RAB38: variants seen among roughly 807,000 people sequenced by gnomAD.
RAB38 encodes the protein RAB38, member RAS oncogene family, also known as ras-related protein Rab-38.
In RAB38, 15 loss-of-function variants were observed where a neutral mutation model predicts 18.4. The ratio of observed to expected loss-of-function variants is 0.82; its 90% confidence interval spans 0.55 to 1.26. The LOEUF (loss-of-function observed/expected upper bound fraction) is 1.26, where lower values mean the gene tolerates loss of function less well. RAB38 is among the 50% of genes most tolerant of loss of function. RAB38 has a pLI of 0.00. For synonymous variants in RAB38, 101 were observed against 104.4 expected (o/e 0.97, Z 0.20); for missense variants, 294 against 267.4 (o/e 1.10, Z -0.69).
the RAB38 span, among the ~76,000 whole-genome samples, chr11:88,067,521 A>G: frequency 3.9e-5 from 6 of 152,342 alleles, no homozygotes; most frequent in East Asian, 9.6e-4. Context: ...GGAAAATAAC[A>G]TTGATTGGGT....
chr11:88,036,261 T>C, the RAB38 span, among the ~76,000 whole-genome samples: 1 of 152,154 alleles, frequency 6.6e-6, no homozygotes, highest in African/African-American at 2.4e-5. Flanking sequence ...AAGACATAGA[T>C]TCAGTTATAT....
the RAB38 span, among the ~76,000 whole-genome samples, chr11:87,885,152 ATGATACT>A: frequency 6.6e-6 from 1 of 151,992 alleles, no homozygotes; most frequent in African/African-American, 2.4e-5. Flanking sequence ...CGTAATCAAA[ATGATACT>A]TGATACTTCA....
the RAB38 span, among the ~76,000 whole-genome samples, chr11:87,932,648 A>G: frequency 6.6e-6 from 1 of 152,006 alleles, no homozygotes; most frequent in East Asian, 1.9e-4. Context: ...CAATTTCTCA[A>G]AGCTTGCTCT....
At chr11:88,078,501 A>ATATGTG in the RAB38 span, among the ~76,000 whole-genome samples, 4,445 of 148,768 alleles carry the variant, frequency 0.03, 220 homozygotes, top group African/African-American at 0.1. Context: ...GTGTGTATAT[A>ATATGTG]TGTGTGTGTG....
chr11:87,944,789 AT>A, the RAB38 span, among the ~76,000 whole-genome samples: 1 of 152,078 alleles, frequency 6.6e-6, no homozygotes, highest in East Asian at 1.9e-4. Flanking sequence ...AGCCAAACCC[AT>A]TTGAGCACCC....
chr11:88,092,581 C>T, the RAB38 span, among the ~76,000 whole-genome samples: 1 of 151,856 alleles, frequency 6.6e-6, no homozygotes, highest in Non-Finnish European at 1.5e-5. Flanking sequence ...ACACCTCCCA[C>T]TAGACCCATC....
the RAB38 span, among the ~76,000 whole-genome samples, chr11:87,849,101 C>G: frequency 6.6e-6 from 1 of 152,024 alleles, no homozygotes; most frequent in African/African-American, 2.4e-5. Context: ...CCAAAGGGCC[C>G]TGATAAACAT....
At chr11:87,935,525 A>T in the RAB38 span, among the ~76,000 whole-genome samples, 2 of 152,050 alleles carry the variant, frequency 1.3e-5, no homozygotes, top group Non-Finnish European at 2.9e-5. Context: ...AGTTACAGTT[A>T]ATTATTATTT....
chr11:87,904,582 A>AT, the RAB38 span, among the ~76,000 whole-genome samples: 9 of 151,498 alleles, frequency 5.9e-5, no homozygotes, highest in East Asian at 2.0e-4. Flanking sequence ...TGGTAAAATG[A>AT]TTTTTTTTAA....
chr11:88,019,657 C>T, the RAB38 span, among the ~76,000 whole-genome samples: 1 of 152,156 alleles, frequency 6.6e-6, no homozygotes, highest in Non-Finnish European at 1.5e-5. Flanking sequence ...CTATCAGCCT[C>T]CCTGTTTCTC....
the RAB38 span, among the ~76,000 whole-genome samples, chr11:88,057,845 A>AC: frequency 6.6e-6 from 1 of 151,734 alleles, no homozygotes; most frequent in East Asian, 1.9e-4. Flanking sequence ...CTTCATCTCT[A>AC]CCCCCTGCAA....
the RAB38 span, among the ~76,000 whole-genome samples, chr11:87,887,927 G>T: frequency 9.8e-6 from 1 of 102,140 alleles, no homozygotes. Context: ...TCTTCTAGTT[G>T]GTGCATTTTT....
the RAB38 span, among the ~76,000 whole-genome samples, chr11:87,900,827 TGAA>T: frequency 1.4e-5 from 2 of 142,178 alleles, no homozygotes; most frequent in African/African-American, 5.2e-5. Context: ...AGGAAAGAAA[TGAA>T]GGAAGGAAAG....
chr11:88,141,717 A>G (rs1211156683), intron 2 of RAB38, among the ~76,000 whole-genome samples: 1 of 152,020 alleles, frequency 6.6e-6, no homozygotes, highest in East Asian at 1.9e-4. Context: ...CCTCCACCTT[A>G]TCCTTCAGCC....
chr11:88,039,528 G>A, the RAB38 span, among the ~76,000 whole-genome samples: 6 of 152,142 alleles, frequency 3.9e-5, no homozygotes, highest in Non-Finnish European at 8.8e-5. Flanking sequence ...GGACTTAGGA[G>A]CCTCTGGAGA....
At chr11:87,873,069 C>G in the RAB38 span, among the ~76,000 whole-genome samples, 1 of 151,510 alleles carries the variant, frequency 6.6e-6, no homozygotes, top group Admixed American at 6.6e-5. Flanking sequence ...TGTATTCCCA[C>G]AAAAAATGAG....
chr11:87,875,661 A>G, the RAB38 span, among the ~76,000 whole-genome samples: 1 of 151,448 alleles, frequency 6.6e-6, no homozygotes, highest in Non-Finnish European at 1.5e-5. Context: ...AATAATTTTC[A>G]TTGCAGTTTT....
the RAB38 span, among the ~76,000 whole-genome samples, chr11:87,835,356 C>T: frequency 6.6e-6 from 1 of 152,084 alleles, no homozygotes; most frequent in East Asian, 1.9e-4. Context: ...CAGTCTGGAT[C>T]TCGGATGTTG....
At chr11:88,085,547 T>A in the RAB38 span, among the ~76,000 whole-genome samples, 1 of 151,908 alleles carries the variant, frequency 6.6e-6, no homozygotes, top group South Asian at 2.1e-4. Context: ...TGATATGGCC[T>A]GAGAAAATTT....
Sources: allele counts gnomAD v4.1 joint callset (sites outside exome capture counted in the v4.1 genomes callset), GRCh38; gene constraint gnomAD v4.1.1; transcripts MANE v1.5; gene names NCBI Gene and HGNC (gene_info 2026-07-23, HGNC 2026-07-21).